The following RNASEH1 variants were observed in gnomAD, a reference collection of about 807,000 sequenced individuals.
RNASEH1 encodes the protein ribonuclease H1.
In RNASEH1, 27 loss-of-function variants were observed where a neutral mutation model predicts 34.6. That is an observed-to-expected ratio of 0.78 (90% CI 0.58 to 1.08). The LOEUF (loss-of-function observed/expected upper bound fraction) is 1.08. RNASEH1 is among the 50% of genes least tolerant of loss of function. The probability of loss-of-function intolerance (pLI) is 0.00; values close to 1 mark genes in which losing one functional copy is unlikely to be tolerated. For synonymous variants in RNASEH1, 162 were observed against 138.4 expected, an observed-to-expected ratio of 1.17 and a Z score of -1.20; for missense variants, 349 against 373.6, an observed-to-expected ratio of 0.93 and a Z score of 0.54.
intron 3 of RNASEH1, among the ~76,000 whole-genome samples, chr2:3,551,147 G>T (rs537281219): frequency 6.6e-6 from 1 of 152,360 alleles, no homozygotes; most frequent in African/African-American, 2.4e-5. Flanking sequence ...GTACGCGCAG[G>T]AAGTGGAAGT....
rs1364611083 is a variant in RNASEH1 at position 3,556,822 on chromosome 2, C to G, written c.211G>C (p.Val71Leu). Residue 71 changes from valine (V) to leucine (L), a missense_variant, in exon 2 of 8, where the codon GTC becomes CTC. By Grantham distance (32) the Val-to-Leu change is conservative. Around this residue, in one of 2 missense-constraint regions of RNASEH1, gnomAD observed 256 missense variants for 240.7 expected, o/e 1.06. Transcript: ENST00000315212. ...FATEDEAWAF[V>L]RKSASPEVSE... ...ACTTCCGGGCTTGCAGATTTCCTGA[C>G]AAAGGCCCAGGCCTCATCCTCTGTG... The G allele has an allele frequency of 2.5e-6, 4 of 1,614,034 alleles. No homozygotes were observed. Among genetic ancestry groups the G allele is most frequent in the Non-Finnish European group, 3.4e-6 (4 of 1,179,866 alleles).
chr2:3,551,966 T>C (rs543583390), intron 3 of RNASEH1, among the ~76,000 whole-genome samples, 178 bp downstream of exon 3: 1 of 152,362 alleles, frequency 6.6e-6, no homozygotes, highest in East Asian at 1.9e-4. Flanking sequence ...TCCAAAAGTT[T>C]AATTCTGCAC....
chr2:3,534,857 T>C, the RNASEH1 span, among the ~76,000 whole-genome samples: 2 of 152,182 alleles, frequency 1.3e-5, no homozygotes, highest in African/African-American at 2.4e-5. Flanking sequence ...CCTGCTACCA[T>C]GTGGAGGAAC....
the RNASEH1 span, among the ~76,000 whole-genome samples, chr2:3,532,507 A>G: frequency 6.6e-6 from 1 of 152,022 alleles, no homozygotes; most frequent in Non-Finnish European, 1.5e-5. Flanking sequence ...GTGATTTCAC[A>G]CCCCTAGATG....
At chr2:3,532,112 AG>A in the RNASEH1 span, 1 of 623,326 alleles carries the variant, frequency 1.6e-6, no homozygotes, top group Non-Finnish European at 2.9e-6. Flanking sequence ...GAGTCAGGGA[AG>A]GGGAGTTTTG....
downstream of RNASEH1, among the ~76,000 whole-genome samples, chr2:3,540,170 T>C (rs1342528091): frequency 6.6e-6 from 1 of 152,204 alleles, no homozygotes; most frequent in African/African-American, 2.4e-5. Context: ...CCACAATATG[T>C]AGCACAATCT....
At position 3,543,615 on chromosome 2, in the gene RNASEH1, A is replaced by G. The variant is rs955919705; in HGVS notation, c.*2170T>C. 1.3e-5 allele frequency among the ~76,000 whole-genome samples: 2 copies of G among 152,040 alleles called. No homozygotes were observed. Among genetic ancestry groups the G allele is most frequent in the African/African-American group, 4.8e-5 (2 of 41,398 alleles). ...CCCACCAAGTATGCTTAACTCCACA[A>G]ATTCTTTTTTTTTTTTAAGACAAGG... is the stretch of plus-strand genomic sequence containing the variant. On this transcript the variant is annotated 3_prime_UTR_variant, in exon 8 of 8. Transcript: ENST00000315212.
chr2:3,546,679 C>T (rs1161947607), intron 7 of RNASEH1, among the ~76,000 whole-genome samples: 1 of 152,194 alleles, frequency 6.6e-6, no homozygotes, highest in Admixed American at 6.5e-5. Context: ...TGCCTAGTGA[C>T]ACTCTCACTA....
In RNASEH1 at chr2:3,542,084, G is replaced by A. The variant is rs1668354008; in HGVS notation, c.*3701C>T. ...AGATAAAAGAGATTCAAGAGACAGTGGCAAACACTGAGAACAGCCAATTTA... is the reference window on the plus strand; with the variant it reads ...AGATAAAAGAGATTCAAGAGACAGTAGCAAACACTGAGAACAGCCAATTTA... On this transcript the variant is annotated 3_prime_UTR_variant, in exon 8 of 8. Transcript: ENST00000315212. 6.6e-6 allele frequency among the ~76,000 whole-genome samples: 1 copy of A among 152,122 alleles called. No homozygotes were observed. Among genetic ancestry groups the A allele is most frequent in the African/African-American group, 2.4e-5 (1 of 41,418 alleles).
At chr2:3,557,888 C>A in intron 1 of RNASEH1, 4 of 1,499,552 alleles carry the variant, frequency 2.7e-6, no homozygotes, top group South Asian at 1.2e-5. Flanking sequence ...ATTAGGCCAC[C>A]CCTAACCTTT....
Position 3,542,125 on chromosome 2 carries a change from A to G in RNASEH1, c.*3660T>C, listed in dbSNP as rs1207290213. Among the ~76,000 whole-genome samples, 6 of 152,210 alleles carry G rather than the reference A, an allele frequency of 3.9e-5. No individual in the cohort carries two copies. In the East Asian group the frequency reaches 7.7e-4, roughly 19 times the overall value. ...AGCCAATTTAGATTTCAACATACAG[A>G]TAACAGGGATCCCCACAGAAAAAAG... On this transcript the variant is annotated 3_prime_UTR_variant, in exon 8 of 8. Transcript: ENST00000315212.
rs1161016162 is a variant in RNASEH1, at chr2:3,544,348, A to G, written c.*1437T>C. On this transcript the variant is annotated 3_prime_UTR_variant, in exon 8 of 8. Coordinates refer to ENST00000315212, the MANE Select transcript of RNASEH1 (RefSeq NM_002936.6). ...TGAACTACACCATGACCACGTGGTC[A>G]GCAAAATCTACACTGTGGGAAGCCA... 6.6e-6 allele frequency among the ~76,000 whole-genome samples: 1 copy of G among 152,144 alleles called. No homozygotes were observed. The highest frequency in any genetic ancestry group is 2.4e-5 in the African/African-American group (1 of 41,408).
At chr2:3,533,602 A>C in the RNASEH1 span, 1 of 152,280 alleles carries the variant, frequency 6.6e-6, no homozygotes, top group Non-Finnish European at 1.5e-5. Context: ...GGGAGGTGTC[A>C]CTAAGAAAGT....
intron 4 of RNASEH1, among the ~76,000 whole-genome samples, chr2:3,549,628 C>T (rs532951337): frequency 8.1e-4 from 123 of 152,148 alleles, no homozygotes; most frequent in African/African-American, 2.9e-3. Context: ...GTGGGAGGAT[C>T]GCATGAGCCC....
Position 3,544,430 on chromosome 2 carries a change from G to A in RNASEH1, c.*1355C>T, listed in dbSNP as rs762719197. ...AAACGGCAGGGAAAACAGTGAGGCC[G>A]ACGGGACTGCAAATGGACACTGAAG... On this transcript the variant is annotated 3_prime_UTR_variant, in exon 8 of 8. Coordinates refer to ENST00000315212, the MANE Select transcript of RNASEH1 (RefSeq NM_002936.6). Among the ~76,000 whole-genome samples the A allele has an allele frequency of 6.6e-5, 10 of 152,156 alleles. No individual in the cohort carries two copies. Among genetic ancestry groups the A allele is most frequent in the Non-Finnish European group, 1.3e-4 (9 of 68,034 alleles).
At position 3,543,745 on chromosome 2, in the gene RNASEH1, G is replaced by A. The variant is rs1014091464; in HGVS notation, c.*2040C>T. Among the ~76,000 whole-genome samples the A allele has an allele frequency of 6.6e-6, 1 of 152,070 alleles. No individual in the cohort carries two copies. Among genetic ancestry groups the A allele is most frequent in the Non-Finnish European group, 1.5e-5 (1 of 68,018 alleles). On this transcript the variant is annotated 3_prime_UTR_variant, in exon 8 of 8. Coordinates refer to ENST00000315212, the MANE Select transcript of RNASEH1 (RefSeq NM_002936.6). ...CCCATCTCAGCCTCCAGAATAGCTG[G>A]GACAACAGGCAGGCACTACCACACC... is the stretch of plus-strand genomic sequence containing the variant.
rs1659861547 is a variant in RNASEH1, at chr2:3,551,212, G to A, written c.410-740C>T. Among the ~76,000 whole-genome samples, 5 of 152,368 alleles carry A rather than the reference G, an allele frequency of 3.3e-5. 1 individual carries two copies. The South Asian group carries it at 1.0e-3, about 32-fold the overall frequency. ...AGCAGTGGCGAAGGGGCAAAGATGG[G>A]GATGTGCTCCTCACAGGAGCGGGGC... On this transcript the variant is annotated intron_variant, in intron 3 of 7. Coordinates refer to ENST00000315212, the MANE Select transcript of RNASEH1 (RefSeq NM_002936.6).
rs1369437618 is a variant in RNASEH1 at position 3,543,477 on chromosome 2, C to T, written c.*2308G>A. ...TGTGGTCTGTGCACACATGTATGCA[C>T]ACATGTGCACACTTATCAAAAGAAA... On this transcript the variant is annotated 3_prime_UTR_variant, in exon 8 of 8. Transcript: ENST00000315212. Among the ~76,000 whole-genome samples, 2 of 152,168 alleles carry T rather than the reference C, an allele frequency of 1.3e-5. No homozygotes were observed. Among genetic ancestry groups the T allele is most frequent in the Admixed American group, 6.5e-5 (1 of 15,292 alleles).
At chr2:3,548,977 G>GAA in intron 5 of RNASEH1, 81 bp downstream of exon 5, 4 of 1,133,038 alleles carry the variant, frequency 3.5e-6, no homozygotes, top group Non-Finnish European at 3.9e-6. Flanking sequence ...TGTATAGGTA[G>GAA]AAAAAAAAAG....
Sources: gnomAD v4.1 joint callset for allele counts (sites outside exome capture counted in the v4.1 genomes callset) on GRCh38, gnomAD v4.1.1 for gene constraint, gnomAD v4.1.1 regional missense constraint, MANE v1.5 for transcripts, NCBI Gene and HGNC (gene_info 2026-07-23, HGNC 2026-07-21) for gene names.